CXCL8: variants seen among roughly 807,000 people sequenced by gnomAD.
CXCL8 encodes interleukin-8.
In CXCL8, 12 loss-of-function variants were observed where a neutral mutation model predicts 10.9. The ratio of observed to expected loss-of-function variants is 1.10; its 90% CI spans 0.71 to 1.79. The LOEUF (loss-of-function observed/expected upper bound fraction) is 1.79, where lower values mean the gene tolerates loss of function less well. CXCL8 is among the 40% of genes most tolerant of loss of function. The pLI, the probability that CXCL8 is intolerant of heterozygous loss-of-function variation, is 0.00. For synonymous variants in CXCL8, 41 were observed against 39.6 expected (o/e 1.03, Z -0.13); for missense variants, 145 against 113.4 (o/e 1.28, Z -1.26).
At chr4:73,741,803 T>C in intron 2 of CXCL8, 126 bp downstream of exon 2, 2 of 960,968 alleles carry the variant, frequency 2.1e-6, no homozygotes, top group Non-Finnish European at 3.1e-6. Flanking sequence ...AAAATAAAAA[T>C]ATTTGTCTAC....
intron 2 of CXCL8, 34 bp from the exon 3 acceptor site, chr4:73,741,915 A>G: frequency 1.4e-6 from 2 of 1,474,276 alleles, no homozygotes; most frequent in Non-Finnish European, 1.9e-6. Context: ...GCAAAAACTA[A>G]ATATTAATCT....
At position 73,741,945 on chromosome 4, in the gene CXCL8, T is replaced by C; in HGVS notation, c.201-4T>C. 6.3e-7 allele frequency: 1 copy of C among 1,594,556 alleles called. No homozygotes were observed. Among genetic ancestry groups the C allele is most frequent in the Non-Finnish European group, 8.6e-7 (1 of 1,163,034 alleles). On this transcript the variant is annotated splice_polypyrimidine_tract_variant and splice_region_variant and intron_variant, in intron 2 of 3. Coordinates refer to ENST00000307407, the MANE Select transcript of CXCL8 (RefSeq NM_000584.4). ...TAATCTGAACCATTTCTTTCTTATTTCAGTGTAAAGCTTTCTGATGGAAGA... is the reference window on the plus strand; with the variant it reads ...TAATCTGAACCATTTCTTTCTTATTCCAGTGTAAAGCTTTCTGATGGAAGA...
intron 1 of CXCL8, among the ~76,000 whole-genome samples, chr4:73,741,084 A>G (rs1729159721): frequency 6.6e-6 from 1 of 152,158 alleles, no homozygotes; most frequent in Admixed American, 6.5e-5. Context: ...GTAGTATTTC[A>G]TTGACAAGCC....
At chr4:73,741,897 A>G in intron 2 of CXCL8, 52 bp from the exon 3 acceptor site, 8 of 1,371,712 alleles carry the variant, frequency 5.8e-6, no homozygotes, top group Non-Finnish European at 8.3e-6. Flanking sequence ...AGGAATCATG[A>G]TTTGAATGCA....
rs202131481 is a variant in CXCL8, at chr4:73,742,506, C to G, written c.*42C>G. On this transcript the variant is annotated 3_prime_UTR_variant, in exon 4 of 4. Coordinates refer to ENST00000307407, the MANE Select transcript of CXCL8 (RefSeq NM_000584.4). ...TGGTATCCAAGAATCAGTGAAGATG[C>G]CAGTGAAACTTCAAGCAAATCTACT... 1 of 1,344,710 alleles carries G rather than the reference C, an allele frequency of 7.4e-7. No homozygotes were observed. The highest frequency in any genetic ancestry group is 2.4e-5 in the East Asian group (1 of 41,818). 83.3% of individuals were successfully genotyped at this position (1,344,710 alleles called of 1,614,324 possible).
Position 73,742,523 on chromosome 4 carries a change from A to T in CXCL8, c.*59A>T. On this transcript the variant is annotated 3_prime_UTR_variant, in exon 4 of 4. Transcript: ENST00000307407. ...TGAAGATGCCAGTGAAACTTCAAGC[A>T]AATCTACTTCAACACTTCATGTATT... The T allele has an allele frequency of 9.3e-7, 1 of 1,074,536 alleles. No individual in the cohort carries two copies. Among genetic ancestry groups the T allele is most frequent in the Non-Finnish European group, 1.4e-6 (1 of 717,458 alleles). The allele number at this position is 1,074,536 out of a possible 1,614,324, so 66.6% of individuals were successfully genotyped here.
rs558108172 is a variant in CXCL8 at position 73,741,875 on chromosome 4, A to G, written c.201-74A>G. On this transcript the variant is annotated intron_variant, in intron 2 of 3. Coordinates refer to ENST00000307407, the MANE Select transcript of CXCL8 (RefSeq NM_000584.4). Reference sequence around the variant, plus strand: ...AAATGTTATTTTGGACTTAGACTTTATGCCTGACTTAAGGAATCATGATTT... The same window carrying G: ...AAATGTTATTTTGGACTTAGACTTTGTGCCTGACTTAAGGAATCATGATTT... 6.6e-6 allele frequency: 8 copies of G among 1,211,322 alleles called. No homozygotes were observed. The South Asian group carries it at 7.4e-5, about 11-fold the overall frequency. 75.0% of individuals were successfully genotyped at this position (1,211,322 alleles called of 1,614,324 possible).
chr4:73,743,662 T>C lies in CXCL8; in HGVS notation c.*1198T>C, dbSNP rs1729240576. ...ATTTTTTTTACTGTTTCTGATTGTA[T>C]GGAAATATAAAAGTAAATATGAAAC... On this transcript the variant is annotated 3_prime_UTR_variant, in exon 4 of 4. Coordinates refer to ENST00000307407, the MANE Select transcript of CXCL8 (RefSeq NM_000584.4). 1 of 200,476 alleles carries C rather than the reference T, an allele frequency of 5.0e-6. No individual in the cohort carries two copies. The highest frequency in any genetic ancestry group is 2.3e-5 in the African/African-American group (1 of 43,852). The allele number at this position is 200,476 out of a possible 1,614,324, so 12.4% of individuals were successfully genotyped here.
intron 1 of CXCL8, among the ~76,000 whole-genome samples, chr4:73,741,288 G>A (rs1019514029): frequency 2.6e-5 from 4 of 152,186 alleles, no homozygotes; most frequent in Admixed American, 6.5e-5. Flanking sequence ...AAAATACCAT[G>A]AAGATGTTGA....
In CXCL8 at chr4:73,740,723, G is replaced by GT. The variant is rs779261613; in HGVS notation, c.64+2dup. 68 of 1,612,382 alleles carry GT rather than the reference G, an allele frequency of 4.2e-5. 2 individuals carry two copies. The South Asian group carries it at 7.1e-4, about 17-fold the overall frequency. Reference sequence around the variant, plus strand: ...CTGATTTCTGCAGCTCTGTGTGAAGGTAAGCACATCTTTCTGACCTACAGC... The same window carrying GT: ...CTGATTTCTGCAGCTCTGTGTGAAGGTTAAGCACATCTTTCTGACCTACAGC... On this transcript the variant is annotated splice_donor_variant, in intron 1 of 3. Coordinates refer to ENST00000307407, the MANE Select transcript of CXCL8 (RefSeq NM_000584.4). LOFTEE classifies it high-confidence loss of function.
rs1729187836 is a variant in CXCL8 at position 73,742,006 on chromosome 4, G to C, written c.258G>C (p.Gln86His). Residue 86 changes from glutamine to histidine, a missense_variant, in exon 3 of 4, where the codon CAG (glutamine) becomes CAC (histidine). By Grantham distance (24) the Gln-to-His change is conservative. Coordinates refer to ENST00000307407, the MANE Select transcript of CXCL8 (RefSeq NM_000584.4). ...LCLDPKENWV[Q>H]RVVEKFLKRA... ...TGGACCCCAAGGAAAACTGGGTGCA[G>C]AGGGTTGTGGAGAAGTTTTTGAAGA... 2 of 1,608,320 alleles carry C rather than the reference G, an allele frequency of 1.2e-6. No homozygotes were observed. Among genetic ancestry groups the C allele is most frequent in the Non-Finnish European group, 1.7e-6 (2 of 1,176,156 alleles).
intron 3 of CXCL8, 182 bp downstream of exon 3, chr4:73,742,214 T>C (rs989799301): frequency 1.7e-5 from 10 of 582,962 alleles, no homozygotes; most frequent in African/African-American, 5.7e-5. Flanking sequence ...AGACCATACA[T>C]AGTTTGCCCA....
Position 73,742,906 on chromosome 4 carries a change from G to A in CXCL8, c.*442G>A, listed in dbSNP as rs2227544. Reference sequence around the variant, plus strand: ...AAGTCAAATTTAGCTGGAAATCCTGGATTTTTTTCTGTTAAATCTGGCAAC... The same window carrying A: ...AAGTCAAATTTAGCTGGAAATCCTGAATTTTTTTCTGTTAAATCTGGCAAC... On this transcript the variant is annotated 3_prime_UTR_variant, in exon 4 of 4. Coordinates refer to ENST00000307407, the MANE Select transcript of CXCL8 (RefSeq NM_000584.4). 3.0e-3 allele frequency: 704 copies of A among 231,188 alleles called. 3 individuals are homozygous for A. The highest frequency in any genetic ancestry group is 0.014 in the African/African-American group (649 of 45,300). 14.3% of individuals were successfully genotyped at this position (231,188 alleles called of 1,614,324 possible).
rs778494518 is a variant in CXCL8, at chr4:73,742,470, T to A, written c.*6T>A. Reference sequence around the variant, plus strand: ...TTAGGGCTGAGAATTCATAAAAAAATTCATTCTCTGTGGTATCCAAGAATC... The same window carrying A: ...TTAGGGCTGAGAATTCATAAAAAAAATCATTCTCTGTGGTATCCAAGAATC... On this transcript the variant is annotated 3_prime_UTR_variant, in exon 4 of 4. Coordinates refer to ENST00000307407, the MANE Select transcript of CXCL8 (RefSeq NM_000584.4). 4.1e-6 allele frequency: 6 copies of A among 1,449,382 alleles called. No individual in the cohort carries two copies. Among genetic ancestry groups the A allele is most frequent in the Middle Eastern group, 1.7e-4 (1 of 5,732 alleles). The allele number at this position is 1,449,382 out of a possible 1,614,324, so 89.8% of individuals were successfully genotyped here.
rs1401199646 is a variant in CXCL8, at chr4:73,742,665, T to G, written c.*201T>G. 7.6e-6 allele frequency: 3 copies of G among 394,726 alleles called. No homozygotes were observed. Among genetic ancestry groups the G allele is most frequent in the Non-Finnish European group, 1.4e-5 (3 of 212,844 alleles). 24.5% of individuals were successfully genotyped at this position (394,726 alleles called of 1,614,324 possible). On this transcript the variant is annotated 3_prime_UTR_variant, in exon 4 of 4. Coordinates refer to ENST00000307407, the MANE Select transcript of CXCL8 (RefSeq NM_000584.4). ...ATGAAATATCCAGAACATACTTATA[T>G]GTAAAGTATTATTTATTTGAATCTA...
chr4:73,742,267 G>A, intron 3 of CXCL8, 182 bp from the exon 4 acceptor site: 1 of 576,250 alleles, frequency 1.7e-6, no homozygotes, highest in South Asian at 2.6e-5. Context: ...TCTTAGTAAA[G>A]TTCTTTGTCA....
At chr4:73,742,340 A>G in intron 3 of CXCL8, 109 bp from the exon 4 acceptor site, 1 of 614,104 alleles carries the variant, frequency 1.6e-6, no homozygotes, top group Non-Finnish European at 2.9e-6. Context: ...AGTTGAGAAT[A>G]TAGAGCATTT....
At chr4:73,741,442 C>G in intron 1 of CXCL8, 100 bp from the exon 2 acceptor site, 1 of 1,136,624 alleles carries the variant, frequency 8.8e-7, no homozygotes, top group South Asian at 1.5e-5. Context: ...ATGATGCCTT[C>G]CATAGTCTCC....
intron 1 of CXCL8, among the ~76,000 whole-genome samples, 172 bp downstream of exon 1, chr4:73,740,894 A>G (rs1202568943): frequency 6.6e-6 from 1 of 152,184 alleles, no homozygotes. Context: ...TATATATAAC[A>G]CTTAGGAAAG....
Sources: gnomAD v4.1 joint callset for allele counts (sites outside exome capture counted in the v4.1 genomes callset) on GRCh38, gnomAD v4.1.1 for gene constraint, MANE v1.5 for transcripts, NCBI Gene and HGNC (gene_info 2026-07-23, HGNC 2026-07-21) for gene names.